The following CAVIN1 variants were observed in gnomAD, a reference collection of about 807,000 sequenced individuals.
CAVIN1 encodes caveolae associated protein 1.
Under a neutral mutation model 24.0 loss-of-function variants are expected in CAVIN1, and 16 were observed. The ratio of observed to expected loss-of-function variants is 0.67; its 90% CI spans 0.45 to 1.01. The LOEUF is 1.01. CAVIN1 is among the 50% of genes least tolerant of loss of function. The pLI, the probability that CAVIN1 is intolerant of heterozygous loss-of-function variation, is 0.00. For synonymous variants in CAVIN1, 256 were observed against 256.4 expected (o/e 1.00, Z 0.02); for missense variants, 510 against 551.7 (o/e 0.92, Z 0.76).
intron 1 of CAVIN1, among the ~76,000 whole-genome samples, chr17:42,413,182 C>T (rs148407308): frequency 0.03 from 4,584 of 151,914 alleles, 104 homozygotes; most frequent in Non-Finnish European, 0.047. Context: ...ATCTGCCCTC[C>T]TTGGGCTCCC....
chr17:42,418,472 C>T (rs1271499592), intron 1 of CAVIN1, among the ~76,000 whole-genome samples: 4 of 152,034 alleles, frequency 2.6e-5, no homozygotes, highest in Admixed American at 2.6e-4. Context: ...CTCAGGTGAT[C>T]CGCCCGCCTC....
chr17:42,412,561 T>TTTTTG (rs1491227451), intron 1 of CAVIN1, among the ~76,000 whole-genome samples: 1 of 1,368 alleles, frequency 7.3e-4, no homozygotes, highest in East Asian at 0.12. Context: ...ACCCGGCTAA[T>TTTTTG]TTTTTTTTTT....
chr17:42,423,152 A>G lies in CAVIN1; in HGVS notation c.-55T>C, dbSNP rs1254342780. 2 of 1,361,022 alleles carry G rather than the reference A, an allele frequency of 1.5e-6. No individual in the cohort carries two copies. The highest frequency in any genetic ancestry group is 2.9e-5 in the African/African-American group (2 of 68,268). 84.3% of individuals were successfully genotyped at this position (1,361,022 alleles called of 1,614,324 possible). On this transcript the variant is annotated 5_prime_UTR_variant, in exon 1 of 2. Transcript: ENST00000357037. ...GGTGGGGCTGGAGCTGGAGCGGGAG[A>G]CCCGGAGAGAAGCAGGAGCGGAAGG...
intron 1 of CAVIN1, among the ~76,000 whole-genome samples, chr17:42,420,100 C>G (rs1013968731): frequency 4.9e-4 from 74 of 152,086 alleles, no homozygotes; most frequent in Non-Finnish European, 1.6e-4. Flanking sequence ...CCCACTGCCA[C>G]ATCATCACCT....
intron 1 of CAVIN1, among the ~76,000 whole-genome samples, chr17:42,420,053 G>A (rs1245226381): frequency 1.3e-5 from 2 of 151,480 alleles, no homozygotes; most frequent in Non-Finnish European, 2.9e-5. Flanking sequence ...ATCCCACAAC[G>A]GGGGCCTTCC....
chr17:42,420,071 T>C (rs1340140200), intron 1 of CAVIN1, among the ~76,000 whole-genome samples: 1 of 141,194 alleles, frequency 7.1e-6, no homozygotes, highest in Non-Finnish European at 1.6e-5. Flanking sequence ...TCCCATCCCT[T>C]GGTGTTCTCT....
chr17:42,419,037 A>G (rs2085529319), intron 1 of CAVIN1, among the ~76,000 whole-genome samples: 1 of 151,662 alleles, frequency 6.6e-6, no homozygotes, highest in Non-Finnish European at 1.5e-5. Flanking sequence ...TACAAATATG[A>G]AAAAAAACAA....
intron 1 of CAVIN1, among the ~76,000 whole-genome samples, chr17:42,407,673 C>A (rs2085453737): frequency 6.6e-6 from 1 of 152,218 alleles, no homozygotes; most frequent in African/African-American, 2.4e-5. Flanking sequence ...CCCAACTACA[C>A]CTCCCAGCAG....
chr17:42,405,682 GTTTT>G (rs531661585), intron 1 of CAVIN1, among the ~76,000 whole-genome samples: 88 of 57,814 alleles, frequency 1.5e-3, no homozygotes, highest in African/African-American at 3.9e-3. Context: ...CTCTCTCCTT[GTTTT>G]TTTTTTTTTT....
At chr17:42,411,326 G>A in intron 1 of CAVIN1, 1 of 493,828 alleles carries the variant, frequency 2.0e-6, no homozygotes, top group African/African-American at 2.1e-5. Flanking sequence ...GCTGAGGTGG[G>A]AGGATCACTT....
Position 42,408,501 on chromosome 17 carries a change from T to G in CAVIN1, c.472-3113A>C, listed in dbSNP as rs7406451. On this transcript the variant is annotated intron_variant, in intron 1 of 1. Coordinates refer to ENST00000357037, the MANE Select transcript of CAVIN1 (RefSeq NM_012232.6). Reference sequence around the variant, plus strand: ...AGGTTTTTGTTTTTTAGTTTTTTTGTTTTTTTTGAGATGGAGTTTTGCTCT... The same window carrying G: ...AGGTTTTTGTTTTTTAGTTTTTTTGGTTTTTTTGAGATGGAGTTTTGCTCT... 3.4e-5 allele frequency among the ~76,000 whole-genome samples: 5 copies of G among 145,240 alleles called. No individual in the cohort carries two copies. In the East Asian group the frequency reaches 6.1e-4, roughly 18 times the overall value.
Position 42,423,038 on chromosome 17 carries a change from C to T in CAVIN1, c.60G>A (p.Glu20=), listed in dbSNP as rs1171933089. 6.2e-7 allele frequency: 1 copy of T among 1,610,984 alleles called. No individual in the cohort carries two copies. Residue 20 remains glutamate, a synonymous_variant, in exon 1 of 2, where the codon GAG becomes GAA. Transcript: ENST00000357037. ...CCCCAGCGGAGGAAGGCTCCGGGGC[C>T]TCGGCGTCGGGGTACCCGGGAAGCG... ...ERPLPGYPDA[E]APEPSSAGAQ...
chr17:42,418,710 T>C (rs2085527578), intron 1 of CAVIN1, among the ~76,000 whole-genome samples: 1 of 152,116 alleles, frequency 6.6e-6, no homozygotes, highest in Non-Finnish European at 1.5e-5. Context: ...TCAAAATAAT[T>C]AAAGGAGTGG....
intron 1 of CAVIN1, among the ~76,000 whole-genome samples, chr17:42,415,296 T>C (rs528441555): frequency 1.4e-4 from 22 of 152,276 alleles, no homozygotes; most frequent in African/African-American, 5.3e-4. Context: ...CTGGCTCCAG[T>C]TTGACTCCCA....
intron 1 of CAVIN1, among the ~76,000 whole-genome samples, chr17:42,422,125 C>G (rs1180401257): frequency 1.3e-5 from 2 of 152,158 alleles, no homozygotes; most frequent in Non-Finnish European, 2.9e-5. Context: ...CTGGTGCGTG[C>G]CTGAGCCCTG....
At position 42,422,370 on chromosome 17, in the gene CAVIN1, A is replaced by C. The variant is rs34610643; in HGVS notation, c.471+257T>G. ...TGCTACAAGTTTGGGACCCGAGGGA[A>C]GGATCTGAGTGGGGAGGTGCGAGGT... On this transcript the variant is annotated intron_variant, in intron 1 of 1. Coordinates refer to ENST00000357037, the MANE Select transcript of CAVIN1 (RefSeq NM_012232.6). Among the ~76,000 whole-genome samples the C allele has an allele frequency of 0.24, 37,125 of 152,050 alleles. 4,789 individuals are homozygous for C. Among genetic ancestry groups the C allele is most frequent in the South Asian group, 0.41 (1,977 of 4,830 alleles).
intron 1 of CAVIN1, among the ~76,000 whole-genome samples, chr17:42,414,409 C>G (rs1044007651): frequency 6.6e-6 from 1 of 151,868 alleles, no homozygotes; most frequent in Non-Finnish European, 1.5e-5. Context: ...AAACCAAGCT[C>G]TATTTTTTTT....
chr17:42,404,793 C>A lies in CAVIN1; in HGVS notation c.1067G>T (p.Gly356Val). The change falls in exon 2 of 2, where the codon GGG becomes GTG. Residue 356 changes from glycine to valine, a missense_variant. Transcript: ENST00000357037. ...ADDDEGGAER[G>V]EAGDLRRGSS... Reference sequence around the variant, plus strand: ...CCCGCGCCGCAGGTCGCCGGCCTCCCCGCGCTCCGCGCCGCCCTCGTCGTC... The same window carrying A: ...CCCGCGCCGCAGGTCGCCGGCCTCCACGCGCTCCGCGCCGCCCTCGTCGTC... 6.2e-7 allele frequency: 1 copy of A among 1,602,948 alleles called. No homozygotes were observed. The highest frequency in any genetic ancestry group is 8.5e-7 in the Non-Finnish European group (1 of 1,174,542).
Position 42,402,553 on chromosome 17 carries a change from C to G in CAVIN1, c.*2134G>C, listed in dbSNP as rs950018283. 2 of 152,268 alleles carry G rather than the reference C, an allele frequency of 1.3e-5. No homozygotes were observed. Among genetic ancestry groups the G allele is most frequent in the African/African-American group, 4.8e-5 (2 of 41,408 alleles). 9.4% of individuals were successfully genotyped at this position (152,268 alleles called of 1,614,324 possible). On this transcript the variant is annotated 3_prime_UTR_variant, in exon 2 of 2. Coordinates refer to ENST00000357037, the MANE Select transcript of CAVIN1 (RefSeq NM_012232.6). ...AACTGCATCTGCCCACAGCTCAGGC[C>G]CCTTCAGGCCATCAGCACCAAGGGA...
Sources: allele counts gnomAD v4.1 joint callset (sites outside exome capture counted in the v4.1 genomes callset), GRCh38; gene constraint gnomAD v4.1.1; transcripts MANE v1.5; gene names NCBI Gene and HGNC (gene_info 2026-07-23, HGNC 2026-07-21).